The following DGKQ variants were observed in gnomAD, a reference collection of about 807,000 sequenced individuals.
DGKQ encodes the protein diacylglycerol kinase theta.
Under a neutral mutation model 104.2 loss-of-function variants are expected in DGKQ, and 97 were observed. The ratio of observed to expected loss-of-function variants is 0.93; its 90% CI spans 0.79 to 1.10. The LOEUF is 1.10. Ranked by LOEUF, DGKQ falls within the 50% of genes least tolerant of loss-of-function variation. DGKQ has a pLI of 0.00. For synonymous variants in DGKQ, 736 were observed against 595.2 expected (o/e 1.24, Z -3.44); for missense variants, 1,465 against 1,352.1 (o/e 1.08, Z -1.31).
In DGKQ at chr4:965,928, C is replaced by A; in HGVS notation, c.1579G>T (p.Ala527Ser). ...SLLHEAGATKATVVSVSHIYS... is the reference protein window; with the variant it reads ...SLLHEAGATKSTVVSVSHIYS... ...CCACGGCCAGCCACAGTGGTCACACCTTTGGTAGCCCCGGCCTCATGCAGC... is the reference window on the plus strand; with the variant it reads ...CCACGGCCAGCCACAGTGGTCACACATTTGGTAGCCCCGGCCTCATGCAGC... Residue 527 changes from alanine to serine, a missense_variant and splice_region_variant, in exon 13 of 23, where the codon GCC (alanine) becomes TCC (serine). Physicochemically the swap from Ala to Ser is moderately conservative, Grantham distance 99. Transcript: ENST00000273814. The A allele has an allele frequency of 6.3e-7, 1 of 1,597,706 alleles. No homozygotes were observed. The highest frequency in any genetic ancestry group is 8.5e-7 in the Non-Finnish European group (1 of 1,171,526).
rs1711669879 is a variant in DGKQ at position 959,148 on chromosome 4, CA to C, written c.*1471del. The C allele has an allele frequency of 6.6e-6, 1 of 152,614 alleles. No homozygotes were observed. The highest frequency in any genetic ancestry group is 1.5e-5 in the Non-Finnish European group (1 of 68,090). 9.5% of individuals were successfully genotyped at this position (152,614 alleles called of 1,614,324 possible). ...AAACAAGAGTGCACGCTGGAGGCCA[CA>C]AGCGGCCTTACAATGCGTGTGTCTG... On this transcript the variant is annotated 3_prime_UTR_variant, in exon 23 of 23. Coordinates refer to ENST00000273814, the MANE Select transcript of DGKQ (RefSeq NM_001347.4).
chr4:970,055 A>C (rs1177662806), intron 2 of DGKQ, among the ~76,000 whole-genome samples: 1 of 152,274 alleles, frequency 6.6e-6, no homozygotes, highest in Non-Finnish European at 1.5e-5. Context: ...GGGGCCGCCC[A>C]AGCCAGTGTG....
At chr4:965,317 G>C (rs375612341) in intron 14 of DGKQ, 26 bp from the exon 15 acceptor site, 34 of 1,605,588 alleles carry the variant, frequency 2.1e-5, no homozygotes, top group Non-Finnish European at 2.7e-5. Context: ...AGGACTCAGG[G>C]GGAGCCTGTC....
Position 968,586 on chromosome 4 carries a change from A to T in DGKQ, c.452-22T>A, listed in dbSNP as rs754575472. ...CACACTGGGGGGCAGGCAGGGTTAG[A>T]GGTGTCTGCCGCCCCCGGAGGACCC... On this transcript the variant is annotated intron_variant, in intron 3 of 22. Coordinates refer to ENST00000273814, the MANE Select transcript of DGKQ (RefSeq NM_001347.4). The T allele has an allele frequency of 4.4e-6, 7 of 1,583,048 alleles. No homozygotes were observed. The Admixed American group carries it at 1.2e-4, about 28-fold the overall frequency.
Position 962,423 on chromosome 4 carries a change from G to A in DGKQ, c.2214+12C>T, listed in dbSNP as rs751836822. ...GAGCCTGGAAGGCACCCCACGCCGG[G>A]CTGCCCTGTACCTTGGGGGGCTCTG... is the stretch of plus-strand genomic sequence containing the variant. On this transcript the variant is annotated intron_variant, in intron 18 of 22. Transcript: ENST00000273814. 5 of 1,551,996 alleles carry A rather than the reference G, an allele frequency of 3.2e-6. No homozygotes were observed. Among genetic ancestry groups the A allele is most frequent in the South Asian group, 1.2e-5 (1 of 85,932 alleles).
In DGKQ at chr4:966,094, C is replaced by T. The variant is rs1167572401; in HGVS notation, c.1429-16G>A. The T allele has an allele frequency of 1.4e-5, 22 of 1,586,616 alleles. No individual in the cohort carries two copies. Among genetic ancestry groups the T allele is most frequent in the Admixed American group, 5.3e-5 (3 of 56,472 alleles). ...GCACAGACATCTGCAGGGAGAGGGG[C>T]GGGGATGCTGGGCCGGGGAGAACGG... On this transcript the variant is annotated splice_polypyrimidine_tract_variant and intron_variant, in intron 12 of 22. Transcript: ENST00000273814.
Position 967,242 on chromosome 4 carries a change from C to G in DGKQ, c.1107G>C (p.Val369=). 6.4e-7 allele frequency: 1 copy of G among 1,568,658 alleles called. No individual in the cohort carries two copies. Residue 369 remains valine (V), a synonymous_variant, in exon 9 of 23, where the codon GTG becomes GTC. Coordinates refer to ENST00000273814, the MANE Select transcript of DGKQ (RefSeq NM_001347.4). The part of the protein sequence containing the change: ...AWAGGKAGSA[V]ISEEGRSPGS... ...CGGGGCTTCTGCCCTCCTCCGAGAT[C>G]ACAGCACTCCCAGCCTTGCCCCCAG...
Position 967,295 on chromosome 4 carries a change from G to C in DGKQ, c.1054C>G (p.Pro352Ala), listed in dbSNP as rs759741201. The C allele has an allele frequency of 6.5e-7, 1 of 1,543,630 alleles. No homozygotes were observed. Among genetic ancestry groups the C allele is most frequent in the Non-Finnish European group, 8.7e-7 (1 of 1,149,476 alleles). ...PGHLELCRLP[P>A]SSQACDAWAG... Reference sequence around the variant, plus strand: ...CAGGCGTCACAGGCCTGAGAGGAAGGGGGCAGCCGGCACAGCTCCAGGTGG... The same window carrying C: ...CAGGCGTCACAGGCCTGAGAGGAAGCGGGCAGCCGGCACAGCTCCAGGTGG... Residue 352 changes from proline (P) to alanine (A), a missense_variant, in exon 9 of 23, where the codon CCT (proline) becomes GCT (alanine). Coordinates refer to ENST00000273814, the MANE Select transcript of DGKQ (RefSeq NM_001347.4).
chr4:960,775 G>A (rs1577470051), intron 22 of DGKQ, 54 bp from the exon 23 acceptor site: 4 of 1,588,340 alleles, frequency 2.5e-6, no homozygotes, highest in Admixed American at 3.4e-5. Flanking sequence ...TGAAAGAACG[G>A]TACACGGGCA....
chr4:973,545 A>C lies in DGKQ; in HGVS notation c.-63T>G. On this transcript the variant is annotated 5_prime_UTR_variant, in exon 1 of 23. Transcript: ENST00000273814. ...CCGGGGGTACAGGAGCCGCCGCTCC[A>C]CGGCCCGGTACACTGCTTCCGACTG... The C allele has an allele frequency of 1.0e-6, 1 of 979,548 alleles. No homozygotes were observed. The allele number at this position is 979,548 out of a possible 1,614,324, so 60.7% of individuals were successfully genotyped here. A position where few individuals can be genotyped will look rare whatever the true frequency, so the allele number is the denominator to read the frequency against.
chr4:970,936 C>G, intron 2 of DGKQ, 57 bp downstream of exon 2: 3 of 1,388,380 alleles, frequency 2.2e-6, no homozygotes, highest in Non-Finnish European at 3.0e-6. Context: ...CTCGACCCTA[C>G]GAGAGCTGAC....
In DGKQ at chr4:973,341, C is replaced by T; in HGVS notation, c.142G>A (p.Ala48Thr). The change falls in exon 1 of 23, where the codon GCG (alanine) becomes ACG (threonine). Residue 48 changes from alanine to threonine, a missense_variant. Transcript: ENST00000273814. ...GPGPGPGPER[A>T]GVRAPGPAAA... ...GCGGGGCCCGGGGCTCTGACGCCCG[C>T]CCGCTCGGGTCCCGGCCCCGGCCCC... 7.2e-7 allele frequency: 1 copy of T among 1,381,704 alleles called. No individual in the cohort carries two copies. Among genetic ancestry groups the T allele is most frequent in the Non-Finnish European group, 9.5e-7 (1 of 1,057,902 alleles). 85.6% of individuals were successfully genotyped at this position (1,381,704 alleles called of 1,614,324 possible).
In DGKQ at chr4:966,097, G is replaced by A. The variant is rs1171789681; in HGVS notation, c.1429-19C>T. ...CAGACATCTGCAGGGAGAGGGGCGG[G>A]GATGCTGGGCCGGGGAGAACGGCAC... is the stretch of plus-strand genomic sequence containing the variant. On this transcript the variant is annotated intron_variant, in intron 12 of 22. Transcript: ENST00000273814. 1.3e-6 allele frequency: 2 copies of A among 1,585,248 alleles called. No individual in the cohort carries two copies. The highest frequency in any genetic ancestry group is 1.1e-5 in the South Asian group (1 of 87,538).
chr4:970,501 G>T (rs1040752352), intron 2 of DGKQ, among the ~76,000 whole-genome samples: 1 of 152,200 alleles, frequency 6.6e-6, no homozygotes, highest in Non-Finnish European at 1.5e-5. Flanking sequence ...AGGCACCCAG[G>T]CTTCCTGCCT....
Position 960,625 on chromosome 4 carries a change from TAGGATCGCTCTC to T in DGKQ, c.2812_2823del (p.Glu938_Pro941del), listed in dbSNP as rs1711817408. ...TTGGGCTGCCCCAGCCACCCCTACCTAGGATCGCTCTCAGGGGCAGGCGCAGCATCCGCCCGG... is the reference window on the plus strand; with the variant it reads ...TTGGGCTGCCCCAGCCACCCCTACCTAGGGGCAGGCGCAGCATCCGCCCGG... On this transcript the variant is annotated inframe_deletion, in exon 23 of 23. Transcript: ENST00000273814. The T allele has an allele frequency of 6.2e-7, 1 of 1,611,118 alleles. No individual in the cohort carries two copies. Among genetic ancestry groups the T allele is most frequent in the Non-Finnish European group, 8.5e-7 (1 of 1,179,474 alleles).
In DGKQ at chr4:973,374, G is replaced by A; in HGVS notation, c.109C>T (p.Pro37Ser). Residue 37 changes from proline (P) to serine (S), a missense_variant, in exon 1 of 23, where the codon CCG (proline) becomes TCG (serine). Physicochemically the swap from Pro to Ser is moderately conservative, Grantham distance 74. Coordinates refer to ENST00000273814, the MANE Select transcript of DGKQ (RefSeq NM_001347.4). ...GGTCCCGGCCCCGGCCCCGGCCCCG[G>A]GCGCGCGCGGCCTCCTGAGCCCAGC... Reference protein sequence around the residue: ...PVLGSGGRARPGPGPGPGPER... With the variant: ...PVLGSGGRARSGPGPGPGPER... 1 of 1,137,368 alleles carries A rather than the reference G, an allele frequency of 8.8e-7. No homozygotes were observed. Among genetic ancestry groups the A allele is most frequent in the Non-Finnish European group, 1.1e-6 (1 of 929,830 alleles). 70.5% of individuals were successfully genotyped at this position (1,137,368 alleles called of 1,614,324 possible). A position where few individuals can be genotyped will look rare whatever the true frequency, so the allele number is the denominator to read the frequency against.
At chr4:973,097 G>A (rs1713063445) in intron 1 of DGKQ, 115 bp downstream of exon 1, 1 of 1,304,366 alleles carries the variant, frequency 7.7e-7, no homozygotes, top group Non-Finnish European at 9.8e-7. Context: ...CGCGAGCAGG[G>A]CTGGGACCCC....
rs753175932 is a variant in DGKQ at position 961,606 on chromosome 4, G to A, written c.2463-28C>T. 30 of 1,610,066 alleles carry A rather than the reference G, an allele frequency of 1.9e-5. No homozygotes were observed. The African/African-American group carries it at 2.0e-4, about 11-fold the overall frequency. ...GCCGCATAAGAGAGCGGGCACAGAG[G>A]TGTAGGTGCAGGCAGGACGAGGGCT... On this transcript the variant is annotated intron_variant, in intron 20 of 22. Transcript: ENST00000273814.
At chr4:963,483 C>T (rs889880547) in intron 15 of DGKQ, among the ~76,000 whole-genome samples, 193 bp from the exon 16 acceptor site, 6 of 152,226 alleles carry the variant, frequency 3.9e-5, no homozygotes, top group African/African-American at 1.4e-4. Flanking sequence ...CATCTCGCTG[C>T]TGGCCAGCAG....
Sources: gnomAD v4.1 joint callset for allele counts (sites outside exome capture counted in the v4.1 genomes callset) on GRCh38, gnomAD v4.1.1 for gene constraint, MANE v1.5 for transcripts, NCBI Gene and HGNC (gene_info 2026-07-23, HGNC 2026-07-21) for gene names.